FAM171A1: variants seen among roughly 807,000 people sequenced by gnomAD.
The protein encoded by FAM171A1 is family with sequence similarity 171 member A1.
FAM171A1 carries 23 observed loss-of-function variants against 74.9 expected under a neutral mutation model. That is an observed-to-expected ratio of 0.31 (90% CI 0.22 to 0.44). The LOEUF is 0.44. Ranked by LOEUF, FAM171A1 falls within the 20% of genes least tolerant of loss-of-function variation. The probability of loss-of-function intolerance (pLI) is 1.00; values close to 1 mark genes in which losing one functional copy is unlikely to be tolerated. For missense variants in FAM171A1, 1,162 were observed against 1,159.2 expected (o/e 1.00, Z -0.03); for synonymous variants, 527 against 505.7 (o/e 1.04, Z -0.57).
At chr10:15,260,101 A>G (rs1834636385) in intron 3 of FAM171A1, among the ~76,000 whole-genome samples, 1 of 152,142 alleles carries the variant, frequency 6.6e-6, no homozygotes, top group Admixed American at 6.5e-5. Flanking sequence ...TGCTGGGGTT[A>G]CAGGTGTGAA....
intron 1 of FAM171A1, among the ~76,000 whole-genome samples, chr10:15,305,664 TAAAAAA>T (rs59843893): frequency 3.2e-4 from 17 of 52,940 alleles, no homozygotes; most frequent in Admixed American, 1.3e-3. Context: ...GAGATCTGGC[TAAAAAA>T]AAAAAAAAAA....
At chr10:15,230,354 C>T (rs545711927) in intron 5 of FAM171A1, among the ~76,000 whole-genome samples, 11 of 152,188 alleles carry the variant, frequency 7.2e-5, no homozygotes, top group African/African-American at 2.6e-4. Flanking sequence ...AGTATTTGCC[C>T]GGTGGTCAAT....
chr10:15,280,193 G>A (rs528716562), intron 2 of FAM171A1, among the ~76,000 whole-genome samples: 44 of 152,168 alleles, frequency 2.9e-4, no homozygotes, highest in Non-Finnish European at 5.4e-4. Context: ...TGCCCAGGGC[G>A]GCCGACCATG....
chr10:15,341,917 C>T (rs1396514766), intron 1 of FAM171A1, among the ~76,000 whole-genome samples: 3 of 152,222 alleles, frequency 2.0e-5, no homozygotes, highest in East Asian at 3.8e-4. Context: ...CACAGGGCTA[C>T]GACGGCAGTC....
At chr10:15,236,531 G>GGAGCCGGCATTCAAGACC (rs1834293045) in intron 5 of FAM171A1, among the ~76,000 whole-genome samples, 1 of 152,004 alleles carries the variant, frequency 6.6e-6, no homozygotes, top group Non-Finnish European at 1.5e-5. Context: ...CACCAGAGGA[G>GGAGCCGGCATTCAAGACC]GAGCCGGCAT....
At chr10:15,322,258 G>A (rs75561353) in intron 1 of FAM171A1, among the ~76,000 whole-genome samples, 1,844 of 152,286 alleles carry the variant, frequency 0.012, 36 homozygotes, top group African/African-American at 0.042. Context: ...ACAGCTGGAG[G>A]GGCCGTCGGC....
At chr10:15,320,342 T>C (rs1401512473) in intron 1 of FAM171A1, among the ~76,000 whole-genome samples, 3 of 152,230 alleles carry the variant, frequency 2.0e-5, no homozygotes, top group Admixed American at 2.0e-4. Context: ...GGCATATATG[T>C]ACCACACTGT....
At chr10:15,357,105 CCT>C (rs1399925575) in intron 1 of FAM171A1, among the ~76,000 whole-genome samples, 1 of 151,890 alleles carries the variant, frequency 6.6e-6, no homozygotes, top group Non-Finnish European at 1.5e-5. Flanking sequence ...GTGGGGAAAC[CCT>C]GTCTCTACTA....
At position 15,299,744 on chromosome 10, in the gene FAM171A1, C is replaced by A. The variant is rs369983511; in HGVS notation, c.98-15639G>T. ...CCTCTAATCCCAGCACTTTGGGAGGCGAGGTGGGCGGATCATGAGGTCAGG... is the reference window on the plus strand; with the variant it reads ...CCTCTAATCCCAGCACTTTGGGAGGAGAGGTGGGCGGATCATGAGGTCAGG... On this transcript the variant is annotated intron_variant, in intron 1 of 7. Coordinates refer to ENST00000378116, the MANE Select transcript of FAM171A1 (RefSeq NM_001010924.2). Among the ~76,000 whole-genome samples, 39 of 151,882 alleles carry A rather than the reference C, an allele frequency of 2.6e-4. 1 individual carries two copies. Among genetic ancestry groups the A allele is most frequent in the African/African-American group, 8.9e-4 (37 of 41,416 alleles).
At chr10:15,241,565 C>T (rs1025802020) in intron 5 of FAM171A1, 1 of 152,070 alleles carries the variant, frequency 6.6e-6, no homozygotes, top group African/African-American at 2.4e-5. Context: ...ATGTAATTTT[C>T]GACCCATGAG....
chr10:15,306,719 C>G (rs944265169), intron 1 of FAM171A1, among the ~76,000 whole-genome samples: 2 of 152,186 alleles, frequency 1.3e-5, no homozygotes, highest in Non-Finnish European at 2.9e-5. Flanking sequence ...GGTGAAGAAT[C>G]TCAAGGATGA....
intron 1 of FAM171A1, among the ~76,000 whole-genome samples, chr10:15,329,325 T>C (rs1218927458): frequency 6.6e-6 from 1 of 152,202 alleles, no homozygotes; most frequent in African/African-American, 2.4e-5. Flanking sequence ...TGTGGTTCTA[T>C]CGGCTCCAGA....
chr10:15,315,743 C>T (rs1020453656), intron 1 of FAM171A1, among the ~76,000 whole-genome samples: 5 of 152,198 alleles, frequency 3.3e-5, no homozygotes, highest in Non-Finnish European at 7.3e-5. Context: ...CCCCAACTCC[C>T]TAGTCCCAAG....
intron 5 of FAM171A1, among the ~76,000 whole-genome samples, chr10:15,228,171 G>A (rs1016615400): frequency 2.0e-5 from 3 of 152,000 alleles, no homozygotes; most frequent in Non-Finnish European, 4.4e-5. Flanking sequence ...AAACTCCCCC[G>A]TAGCAGCCAA....
At chr10:15,330,253 C>G (rs1346940956) in intron 1 of FAM171A1, among the ~76,000 whole-genome samples, 2 of 152,130 alleles carry the variant, frequency 1.3e-5, no homozygotes, top group Non-Finnish European at 2.9e-5. Flanking sequence ...GCAGGAGAAT[C>G]GCCTGAACCC....
At chr10:15,257,520 C>T (rs1222372774) in intron 3 of FAM171A1, among the ~76,000 whole-genome samples, 1 of 152,140 alleles carries the variant, frequency 6.6e-6, no homozygotes, top group Non-Finnish European at 1.5e-5. Flanking sequence ...GGGTGGGCAA[C>T]ACATCTCTCT....
rs777868822 is a variant in FAM171A1, at chr10:15,214,454, G to A, written c.1134C>T (p.Ser378=). The A allele has an allele frequency of 3.1e-5, 50 of 1,614,028 alleles. No individual in the cohort carries two copies. The Admixed American group carries it at 4.7e-4, about 15-fold the overall frequency. ...CCTCGGGGCGGCCGTGGCTGGTGAC[G>A]GACAGCGGGCCAGGGAATTCTGACG... The part of the protein sequence containing the change: ...RRASEFPGPL[S]VTSHGRPEAP... The change falls in exon 8 of 8, where the codon TCC becomes TCT. Residue 378 remains serine, a synonymous_variant. Coordinates refer to ENST00000378116, the MANE Select transcript of FAM171A1 (RefSeq NM_001010924.2).
At chr10:15,228,527 A>G (rs1422665125) in intron 5 of FAM171A1, among the ~76,000 whole-genome samples, 1 of 151,782 alleles carries the variant, frequency 6.6e-6, no homozygotes, top group Non-Finnish European at 1.5e-5. Context: ...ATTTTTTAGT[A>G]GAGATGGGGT....
chr10:15,252,940 T>G (rs998741165), intron 4 of FAM171A1, among the ~76,000 whole-genome samples: 1 of 152,044 alleles, frequency 6.6e-6, no homozygotes, highest in African/African-American at 2.4e-5. Flanking sequence ...CAAGTTAGGG[T>G]TTTGTGGATC....
Sources: allele counts gnomAD v4.1 joint callset (sites outside exome capture counted in the v4.1 genomes callset), GRCh38; gene constraint gnomAD v4.1.1; transcripts MANE v1.5; gene names NCBI Gene and HGNC (gene_info 2026-07-23, HGNC 2026-07-21).